Variants in PCDH15 observed in about 807,000 individuals in gnomAD.
PCDH15 encodes protocadherin-15.
A neutral mutation model predicts 178.5 loss-of-function variants in PCDH15; 129 were observed. The ratio of observed to expected loss-of-function variants is 0.72; its 90% confidence interval spans 0.63 to 0.84. PCDH15 has a LOEUF of 0.84. Ranked by LOEUF, PCDH15 falls within the 40% of genes least tolerant of loss-of-function variation. The pLI is 0.00. For missense variants in PCDH15, 2,230 were observed against 2,099.9 expected (o/e 1.06, Z -1.21); for synonymous variants, 800 against 732.0 (o/e 1.09, Z -1.50).
At chr10:54,536,989 T>G (rs1172553740) in intron 2 of PCDH15, among the ~76,000 whole-genome samples, 1 of 138,328 alleles carries the variant, frequency 7.2e-6, no homozygotes, top group Non-Finnish European at 1.5e-5. Flanking sequence ...GGTGGAACAA[T>G]TTGTTTCCTT....
At chr10:54,928,316 C>T (rs999508688) in intron 2 of PCDH15, among the ~76,000 whole-genome samples, 9 of 152,114 alleles carry the variant, frequency 5.9e-5, no homozygotes, top group African/African-American at 1.9e-4. Flanking sequence ...ATTAATTAGT[C>T]TGATGAGCTT....
intron 13 of PCDH15, among the ~76,000 whole-genome samples, chr10:54,154,273 CA>C (rs2044859417): frequency 6.6e-6 from 1 of 151,712 alleles, no homozygotes; most frequent in African/African-American, 2.4e-5. Context: ...ATTCATCATA[CA>C]AAAAGTGAAG....
intron 16 of PCDH15, among the ~76,000 whole-genome samples, chr10:54,081,947 G>A (rs1283278645): frequency 6.6e-6 from 1 of 152,124 alleles, no homozygotes; most frequent in African/African-American, 2.4e-5. Flanking sequence ...AACAGTCACA[G>A]GTTTATAGCA....
rs1226890212 is a variant in PCDH15 at position 54,105,275 on chromosome 10, GAGATAT to G, written c.1918-15218_1918-15213del. Among the ~76,000 whole-genome samples the G allele has an allele frequency of 3.3e-3, 157 of 47,790 alleles. 1 individual carries two copies. Among genetic ancestry groups the G allele is most frequent in the African/African-American group, 0.013 (147 of 11,580 alleles). The allele number at this position is 47,790 out of a possible 152,430, so 31.4% of individuals were successfully genotyped here. ...AGATATAGATATAGACATATAGATG[GAGATAT>G]ATATATATATATATATATATATATA... On this transcript the variant is annotated intron_variant, in intron 15 of 37. Transcript: ENST00000644397.
At chr10:54,822,950 C>T (rs1052878135) in intron 3 of PCDH15, among the ~76,000 whole-genome samples, 5 of 152,004 alleles carry the variant, frequency 3.3e-5, no homozygotes, top group South Asian at 2.1e-4. Flanking sequence ...GGCAAAATCT[C>T]GGCTCACTGC....
intron 2 of PCDH15, among the ~76,000 whole-genome samples, chr10:55,081,961 C>T (rs1461628844): frequency 1.3e-5 from 2 of 152,036 alleles, no homozygotes; most frequent in African/African-American, 4.8e-5. Flanking sequence ...AGGCACACCC[C>T]TACATGATAA....
chr10:54,747,996 G>A (rs1010112484), intron 1 of PCDH15, among the ~76,000 whole-genome samples: 1 of 151,886 alleles, frequency 6.6e-6, no homozygotes, highest in Admixed American at 6.6e-5. Flanking sequence ...TAGTAGACAC[G>A]GGGTTTTACT....
intron 2 of PCDH15, among the ~76,000 whole-genome samples, chr10:55,588,641 C>T (rs1842773676): frequency 6.6e-6 from 1 of 151,614 alleles, no homozygotes; most frequent in Non-Finnish European, 1.5e-5. Context: ...AAGAATAAAA[C>T]CTCTAGTATT....
chr10:53,985,508 A>G (rs545094093), intron 21 of PCDH15, among the ~76,000 whole-genome samples: 8 of 152,270 alleles, frequency 5.3e-5, no homozygotes, highest in African/African-American at 1.9e-4. Flanking sequence ...CAGGCTCTCC[A>G]TTACCATGGT....
At chr10:54,751,520 C>T (rs10763136) in intron 1 of PCDH15, among the ~76,000 whole-genome samples, 76,231 of 151,934 alleles carry the variant, frequency 0.5, 19,698 homozygotes, top group Middle Eastern at 0.68. Context: ...ATTTGCAACA[C>T]AATATATTGC....
Position 54,823,091 on chromosome 10 carries a change from A to G in PCDH15, c.-29+74359T>C, listed in dbSNP as rs199712117. On this transcript the variant is annotated intron_variant, in intron 3 of 5. Coordinates refer to the PCDH15 transcript ENST00000458638. ...GAGACGGGGTTTCACCATGTTGGCC[A>G]GGTTGGTCTCAAACTCCTGACCTTA... Among the ~76,000 whole-genome samples the G allele has an allele frequency of 5.9e-5, 9 of 152,132 alleles. No homozygotes were observed. The East Asian group carries it at 1.7e-3, about 30-fold the overall frequency.
intron 3 of PCDH15, among the ~76,000 whole-genome samples, chr10:54,889,518 T>TATATA (rs1564606333): frequency 1.4e-5 from 2 of 145,662 alleles, no homozygotes; most frequent in Non-Finnish European, 3.1e-5. Context: ...TATATATATA[T>TATATA]GATCTATATA....
chr10:54,010,038 T>C (rs565593523), intron 20 of PCDH15, among the ~76,000 whole-genome samples: 1 of 152,282 alleles, frequency 6.6e-6, no homozygotes, highest in Admixed American at 6.5e-5. Context: ...AGCTGCACCT[T>C]GCAGGATAAG....
chr10:54,915,440 C>T (rs1381107747), intron 2 of PCDH15, among the ~76,000 whole-genome samples: 2 of 152,132 alleles, frequency 1.3e-5, no homozygotes, highest in Non-Finnish European at 1.5e-5. Context: ...ATGAATGTTA[C>T]ATGAAACTCT....
At chr10:54,332,468 T>C (rs1940035887) in intron 6 of PCDH15, among the ~76,000 whole-genome samples, 1 of 145,992 alleles carries the variant, frequency 6.8e-6, no homozygotes, top group South Asian at 2.1e-4. Flanking sequence ...CTCTCTCTTC[T>C]CCAAACAGGC....
chr10:53,919,768 GA>G (rs371288411), intron 25 of PCDH15, among the ~76,000 whole-genome samples: 1 of 151,938 alleles, frequency 6.6e-6, no homozygotes, highest in Non-Finnish European at 1.5e-5. Context: ...TTTCTATAGT[GA>G]AAAAAATAAT....
intron 2 of PCDH15, among the ~76,000 whole-genome samples, chr10:54,935,422 C>T (rs1260269552): frequency 6.6e-6 from 1 of 151,944 alleles, no homozygotes; most frequent in East Asian, 1.9e-4. Flanking sequence ...CCTATGTTTC[C>T]AGACATTAAG....
chr10:55,422,472 C>T (rs1177318517), intron 2 of PCDH15, among the ~76,000 whole-genome samples: 1 of 151,748 alleles, frequency 6.6e-6, no homozygotes, highest in Non-Finnish European at 1.5e-5. Flanking sequence ...ACATTTTAGC[C>T]AAGGATGACA....
chr10:54,745,544 T>C lies in PCDH15; in HGVS notation c.-29+55381A>G, dbSNP rs1264939079. Among the ~76,000 whole-genome samples the C allele has an allele frequency of 4.6e-5, 7 of 152,300 alleles. No individual in the cohort carries two copies. In the East Asian group the frequency reaches 1.3e-3, roughly 29 times the overall value. On this transcript the variant is annotated intron_variant, in intron 1 of 37. Coordinates refer to ENST00000644397, the MANE Select transcript of PCDH15 (RefSeq NM_001384140.1). ...TGTTTTAGTTTTCCAACATAGCAAA[T>C]CTGACAGTGAACTTGAAATCAGTTA...
Sources: gnomAD v4.1 joint callset for allele counts (sites outside exome capture counted in the v4.1 genomes callset) on GRCh38, gnomAD v4.1.1 for gene constraint, MANE v1.5 for transcripts, NCBI Gene and HGNC (gene_info 2026-07-23, HGNC 2026-07-21) for gene names.